FOCAD: variants seen among roughly 807,000 people sequenced by gnomAD.
The protein encoded by FOCAD is focadhesin.
Under a neutral mutation model 225.6 loss-of-function variants are expected in FOCAD, and 198 were observed. That is an observed-to-expected ratio of 0.88 (90% CI 0.78 to 0.99). FOCAD has a LOEUF of 0.99. FOCAD is among the 50% of genes least tolerant of loss of function. The probability of loss-of-function intolerance (pLI) is 0.00; values close to 1 mark genes in which losing one functional copy is unlikely to be tolerated. For synonymous variants in FOCAD, 897 were observed against 755.0 expected (o/e 1.19, Z -3.08); for missense variants, 2,713 against 2,123.6 (o/e 1.28, Z -5.46).
intron 29 of FOCAD, 104 bp downstream of exon 29, chr9:20,944,878 C>T (rs1326975514): frequency 6.5e-6 from 8 of 1,227,906 alleles, no homozygotes; most frequent in East Asian, 2.6e-5. Context: ...AAATTAAATT[C>T]TTCCTCAAAG....
At chr9:20,946,092 CATTCAT>C in intron 29 of FOCAD, among the ~76,000 whole-genome samples, 1 of 150,458 alleles carries the variant, frequency 6.6e-6, no homozygotes, top group East Asian at 2.0e-4. Context: ...TTCATTCATT[CATTCAT>C]TCATTCATTC....
At chr9:20,896,289 T>C (rs1421464202) in intron 21 of FOCAD, among the ~76,000 whole-genome samples, 1 of 151,938 alleles carries the variant, frequency 6.6e-6, no homozygotes, top group East Asian at 1.9e-4. Context: ...TTTACATTTA[T>C]GTTCATGAAA....
chr9:20,676,194 G>A (rs762691015), intron 2 of FOCAD, among the ~76,000 whole-genome samples: 7 of 152,156 alleles, frequency 4.6e-5, no homozygotes, highest in Non-Finnish European at 8.8e-5. Context: ...AATCTATTGT[G>A]TGTTTCTGAC....
intron 35 of FOCAD, 84 bp downstream of exon 35, chr9:20,953,149 A>G (rs1027028566): frequency 5.6e-6 from 6 of 1,075,000 alleles, no homozygotes; most frequent in Non-Finnish European, 8.3e-6. Context: ...ATGCCTCTGT[A>G]GAATCAAGCA....
chr9:20,716,220 A>G (rs748593248), intron 2 of FOCAD: 1 of 414,590 alleles, frequency 2.4e-6, no homozygotes, highest in Admixed American at 2.0e-5. Flanking sequence ...ACCATGAAGA[A>G]GAAGATGAAG....
chr9:20,866,710 C>T (rs368295919), intron 17 of FOCAD, among the ~76,000 whole-genome samples: 30 of 151,582 alleles, frequency 2.0e-4, no homozygotes, highest in African/African-American at 7.0e-4. Flanking sequence ...TGTTTTGAAA[C>T]GAGGATTAAA....
chr9:20,914,985 G>T (rs963509790), intron 23 of FOCAD, among the ~76,000 whole-genome samples: 4 of 152,150 alleles, frequency 2.6e-5, no homozygotes, highest in Admixed American at 2.6e-4. Context: ...GGATGTGAAA[G>T]AAAGGGATCA....
At chr9:20,933,764 A>G (rs548930745) in intron 28 of FOCAD, among the ~76,000 whole-genome samples, 1 of 152,218 alleles carries the variant, frequency 6.6e-6, no homozygotes, top group Non-Finnish European at 1.5e-5. Flanking sequence ...TGGTGGTTCT[A>G]CTTTTAGTTG....
At chr9:20,773,398 G>A (rs1037464523) in intron 8 of FOCAD, among the ~76,000 whole-genome samples, 1 of 152,166 alleles carries the variant, frequency 6.6e-6, no homozygotes, top group Non-Finnish European at 1.5e-5. Context: ...TATTGAATTA[G>A]CAGGTCTGAG....
intron 1 of FOCAD, among the ~76,000 whole-genome samples, chr9:20,705,808 A>T (rs1343379359): frequency 6.6e-6 from 1 of 151,936 alleles, no homozygotes; most frequent in Non-Finnish European, 1.5e-5. Context: ...TTTAAAAAAT[A>T]ACTATTTTTC....
At chr9:20,783,864 G>C (rs1819648394) in intron 10 of FOCAD, among the ~76,000 whole-genome samples, 1 of 152,060 alleles carries the variant, frequency 6.6e-6, no homozygotes, top group Admixed American at 6.5e-5. Context: ...ATTCCAGTCA[G>C]GAAAGAGAAA....
intron 2 of FOCAD, among the ~76,000 whole-genome samples, chr9:20,673,635 C>T (rs1415430386): frequency 6.6e-6 from 1 of 152,148 alleles, no homozygotes; most frequent in African/African-American, 2.4e-5. Context: ...CACTCTGTCA[C>T]CTAGGCTGGA....
chr9:20,733,431 G>C (rs770624144), intron 4 of FOCAD, among the ~76,000 whole-genome samples: 6 of 151,990 alleles, frequency 3.9e-5, no homozygotes, highest in Non-Finnish European at 8.8e-5. Flanking sequence ...ATGTACACAT[G>C]TGCCATGCTG....
chr9:20,932,664 A>G (rs187460124), intron 27 of FOCAD, among the ~76,000 whole-genome samples: 2 of 152,382 alleles, frequency 1.3e-5, no homozygotes, highest in East Asian at 3.8e-4. Context: ...TATTCTGAAG[A>G]AAATCACTTA....
intron 10 of FOCAD, among the ~76,000 whole-genome samples, chr9:20,788,275 T>G (rs1188866984): frequency 6.6e-6 from 1 of 152,134 alleles, no homozygotes; most frequent in Non-Finnish European, 1.5e-5. Flanking sequence ...CAGAGTAGAT[T>G]AGTTGTTGCC....
intron 28 of FOCAD, among the ~76,000 whole-genome samples, chr9:20,936,179 T>C (rs1220803611): frequency 1.3e-5 from 2 of 152,172 alleles, no homozygotes; most frequent in African/African-American, 4.8e-5. Flanking sequence ...TACTAGGAAT[T>C]AACAGATTAT....
rs144021051 is a variant in FOCAD, at chr9:20,738,343, C to G, written c.288-1893C>G. Among the ~76,000 whole-genome samples the G allele has an allele frequency of 2.8e-3, 431 of 152,304 alleles. 1 individual carries two copies. The highest frequency in any genetic ancestry group is 1.0e-2 in the African/African-American group (414 of 41,572). On this transcript the variant is annotated intron_variant, in intron 4 of 43. Transcript: ENST00000338382. ...ACAAAAAGATTTCCATTTTAATTTT[C>G]ACTGAGTTACAGTGAGATTCACTGG... is the stretch of plus-strand genomic sequence containing the variant.
intron 19 of FOCAD, among the ~76,000 whole-genome samples, chr9:20,876,554 C>T (rs1035814873): frequency 6.6e-6 from 1 of 151,884 alleles, no homozygotes; most frequent in Non-Finnish European, 1.5e-5. Flanking sequence ...TCAGTGCCTT[C>T]GACTGAGAAA....
chr9:20,777,020 TA>T (rs1818824324), intron 8 of FOCAD, among the ~76,000 whole-genome samples: 1 of 152,210 alleles, frequency 6.6e-6, no homozygotes, highest in South Asian at 2.1e-4. Context: ...TGAACACATA[TA>T]TTCCTAAAAT....
Sources: gnomAD v4.1 joint callset for allele counts (sites outside exome capture counted in the v4.1 genomes callset) on GRCh38, gnomAD v4.1.1 for gene constraint, MANE v1.5 for transcripts, NCBI Gene and HGNC (gene_info 2026-07-23, HGNC 2026-07-21) for gene names.